Variants in CADPS observed in about 807,000 individuals in gnomAD.
CADPS encodes calcium-dependent secretion activator 1.
In CADPS, 57 loss-of-function variants were observed where a neutral mutation model predicts 167.3. The ratio of observed to expected loss-of-function variants is 0.34; its 90% confidence interval spans 0.28 to 0.42. The LOEUF (loss-of-function observed/expected upper bound fraction) is 0.42, where lower values mean the gene tolerates loss of function less well. Among genes scored for constraint, CADPS ranks in the 20% least tolerant of loss-of-function variants. CADPS has a pLI of 1.00. For missense variants in CADPS, 1,414 were observed against 1,738.1 expected, an observed-to-expected ratio of 0.81 and a Z score of 3.32; for synonymous variants, 676 against 635.3, an observed-to-expected ratio of 1.06 and a Z score of -0.96.
chr3:62,663,410 T>C (rs1342134417), intron 3 of CADPS, among the ~76,000 whole-genome samples: 1 of 152,190 alleles, frequency 6.6e-6, no homozygotes, highest in Non-Finnish European at 1.5e-5. Flanking sequence ...TCAAGCTGTA[T>C]TGAGTCTGCT....
chr3:62,728,378 A>C (rs912174312), intron 3 of CADPS, among the ~76,000 whole-genome samples: 7 of 151,658 alleles, frequency 4.6e-5, no homozygotes, highest in Non-Finnish European at 1.0e-4. Flanking sequence ...TAATTAGGAA[A>C]ATTTTTTCTA....
intron 3 of CADPS, among the ~76,000 whole-genome samples, chr3:62,740,491 G>T (rs1374903064): frequency 1.3e-5 from 2 of 152,138 alleles, no homozygotes; most frequent in Non-Finnish European, 2.9e-5. Context: ...ATACAAATTT[G>T]TCTCTACTTT....
At chr3:62,618,644 T>G (rs947718168) in intron 6 of CADPS, among the ~76,000 whole-genome samples, 1 of 152,158 alleles carries the variant, frequency 6.6e-6, no homozygotes, top group Non-Finnish European at 1.5e-5. Context: ...TTTCCTTCCT[T>G]TCAGATGCCA....
intron 1 of CADPS, among the ~76,000 whole-genome samples, chr3:62,862,839 G>A (rs1330372681): frequency 3.9e-5 from 6 of 152,226 alleles, no homozygotes; most frequent in Admixed American, 3.3e-4. Context: ...GGAAGCCCTA[G>A]TTGCAGTTAA....
chr3:62,403,723 T>C (rs2149078747), intron 28 of CADPS: 1 of 152,170 alleles, frequency 6.6e-6, no homozygotes. Flanking sequence ...GATTGAGGAG[T>C]GCTGATAAAG....
At chr3:62,843,580 C>T (rs1162653597) in intron 1 of CADPS, among the ~76,000 whole-genome samples, 1 of 151,990 alleles carries the variant, frequency 6.6e-6, no homozygotes, top group Non-Finnish European at 1.5e-5. Flanking sequence ...GACTCAACCT[C>T]ATCTGGGTGC....
Position 62,720,341 on chromosome 3 carries a change from G to GTTTGT in CADPS, c.888+33099_888+33100insACAAA, listed in dbSNP as rs1554112046. Among the ~76,000 whole-genome samples the GTTTGT allele has an allele frequency of 5.3e-3, 781 of 146,466 alleles. 4 individuals carry two copies. Among genetic ancestry groups the GTTTGT allele is most frequent in the Middle Eastern group, 0.011 (3 of 278 alleles). ...TTTGCTTTTGTTTGTTTGTTTGTTT[G>GTTTGT]TTTTTTTTTGAAACACGGTATCGCT... On this transcript the variant is annotated intron_variant, in intron 3 of 29. Coordinates refer to ENST00000383710, the MANE Select transcript of CADPS (RefSeq NM_003716.4).
At chr3:62,696,468 C>T (rs2080301754) in intron 3 of CADPS, among the ~76,000 whole-genome samples, 1 of 152,010 alleles carries the variant, frequency 6.6e-6, no homozygotes, top group Non-Finnish European at 1.5e-5. Context: ...AGGGCCCTGC[C>T]TCTGAGCTCA....
At chr3:62,853,258 G>C (rs990888185) in intron 1 of CADPS, among the ~76,000 whole-genome samples, 41 of 152,148 alleles carry the variant, frequency 2.7e-4, no homozygotes, top group Admixed American at 2.0e-3. Flanking sequence ...GTCAGAATGA[G>C]TTCTATCATA....
At chr3:62,411,119 C>A (rs1217094532) in intron 28 of CADPS, among the ~76,000 whole-genome samples, 1 of 152,068 alleles carries the variant, frequency 6.6e-6, no homozygotes. Flanking sequence ...AACAAACAAA[C>A]AAACAAACAA....
At chr3:62,707,692 T>C (rs2082581352) in intron 3 of CADPS, among the ~76,000 whole-genome samples, 1 of 152,174 alleles carries the variant, frequency 6.6e-6, no homozygotes, top group Non-Finnish European at 1.5e-5. Flanking sequence ...GTTTAGACTT[T>C]AAAAAACATC....
At chr3:62,413,171 C>T (rs767999932) in intron 28 of CADPS, among the ~76,000 whole-genome samples, 19 of 152,302 alleles carry the variant, frequency 1.2e-4, no homozygotes, top group Middle Eastern at 3.4e-3. Context: ...TGTGAATTTT[C>T]AGTTAGGAAT....
intron 28 of CADPS, among the ~76,000 whole-genome samples, chr3:62,422,460 T>A (rs2051635452): frequency 6.6e-6 from 1 of 152,212 alleles, no homozygotes; most frequent in Non-Finnish European, 1.5e-5. Context: ...ACAACTCCCT[T>A]TTTTTCTTTT....
rs200922509 is a variant in CADPS, at chr3:62,491,460, A to G, written c.2905T>C (p.Phe969Leu). 1 of 1,613,884 alleles carries G rather than the reference A, an allele frequency of 6.2e-7. No homozygotes were observed. Among genetic ancestry groups the G allele is most frequent in the African/African-American group, 1.3e-5 (1 of 74,968 alleles). The change falls in exon 21 of 30, where the codon TTT (phenylalanine) becomes CTT (leucine). Residue 969 changes from phenylalanine (F) to leucine (L), a missense_variant. Physicochemically the swap from Phe to Leu is conservative, Grantham distance 22. Coordinates refer to ENST00000383710, the MANE Select transcript of CADPS (RefSeq NM_003716.4). ...AACAGGTCTTGCAGGTGTTTGTGAA[A>G]TTTTCCATTGCACAAATTATCTAGA... ...RTDYNLCNGK[F>L]HKHLQDLFAP... is the part of the protein sequence containing the mutation.
At chr3:62,603,059 C>T (rs376551762) in intron 6 of CADPS, among the ~76,000 whole-genome samples, 34 of 152,310 alleles carry the variant, frequency 2.2e-4, no homozygotes, top group African/African-American at 7.0e-4. Flanking sequence ...AACTTCACCA[C>T]GAAGCAATTG....
chr3:62,499,386 C>T, intron 17 of CADPS, 118 bp from the exon 18 acceptor site: 1 of 676,430 alleles, frequency 1.5e-6, no homozygotes, highest in African/African-American at 1.8e-5. Flanking sequence ...AAAATTCATG[C>T]AAATGTTAAG....
intron 3 of CADPS, among the ~76,000 whole-genome samples, chr3:62,724,773 C>T (rs114203863): frequency 3.7e-4 from 56 of 152,332 alleles, no homozygotes; most frequent in African/African-American, 1.3e-3. Context: ...CTGTTGCTCT[C>T]CACGAAACCT....
chr3:62,787,531 A>G (rs905734277), intron 1 of CADPS, among the ~76,000 whole-genome samples: 1 of 152,154 alleles, frequency 6.6e-6, no homozygotes, highest in African/African-American at 2.4e-5. Flanking sequence ...TTAAATGTAC[A>G]CTTTTATCTA....
At chr3:62,837,062 G>A (rs767440972) in intron 1 of CADPS, among the ~76,000 whole-genome samples, 21 of 152,118 alleles carry the variant, frequency 1.4e-4, no homozygotes, top group Admixed American at 9.8e-4. Flanking sequence ...AGACATTAAA[G>A]CTCCTCTTGC....
Sources: gnomAD v4.1 joint callset for allele counts (sites outside exome capture counted in the v4.1 genomes callset) on GRCh38, gnomAD v4.1.1 for gene constraint, MANE v1.5 for transcripts, NCBI Gene and HGNC (gene_info 2026-07-23, HGNC 2026-07-21) for gene names.